Variants in SPATA18 observed in about 807,000 individuals in gnomAD.
The protein encoded by SPATA18 is spermatogenesis associated 18.
Under a neutral mutation model 68.1 loss-of-function variants are expected in SPATA18, and 54 were observed. The ratio of observed to expected loss-of-function variants is 0.79; its 90% CI spans 0.64 to 0.99. SPATA18 has a LOEUF of 0.99. Among genes scored for constraint, SPATA18 ranks in the 50% least tolerant of loss-of-function variants. SPATA18 has a pLI of 0.00. For missense variants in SPATA18, 724 were observed against 681.1 expected (o/e 1.06, Z -0.70); for synonymous variants, 242 against 244.8 (o/e 0.99, Z 0.11).
chr4:52,073,766 G>A (rs549253347), intron 6 of SPATA18, among the ~76,000 whole-genome samples: 2 of 152,302 alleles, frequency 1.3e-5, no homozygotes, highest in South Asian at 2.1e-4. Flanking sequence ...AAAGGTTCTG[G>A]CCCAGTTTTT....
At chr4:52,055,997 T>C (rs1259832080) in intron 1 of SPATA18, among the ~76,000 whole-genome samples, 1 of 152,214 alleles carries the variant, frequency 6.6e-6, no homozygotes, top group Non-Finnish European at 1.5e-5. Flanking sequence ...CTTGAAACCA[T>C]CTGCTTCTTC....
At chr4:52,090,671 G>A (rs1391262086) in intron 11 of SPATA18, among the ~76,000 whole-genome samples, 1 of 152,170 alleles carries the variant, frequency 6.6e-6, no homozygotes, top group Non-Finnish European at 1.5e-5. Flanking sequence ...AGTATGATGA[G>A]CTTCCCTTTG....
At chr4:52,079,387 A>G (rs1267740699) in intron 8 of SPATA18, among the ~76,000 whole-genome samples, 2 of 152,220 alleles carry the variant, frequency 1.3e-5, no homozygotes, top group African/African-American at 4.8e-5. Flanking sequence ...GCAAACTATT[A>G]ATAATGATTG....
intron 1 of SPATA18, 133 bp from the exon 2 acceptor site, chr4:52,060,286 G>A: frequency 1.6e-6 from 1 of 633,288 alleles, no homozygotes; most frequent in Non-Finnish European, 2.8e-6. Context: ...AGGTTTTGGT[G>A]ACTACACAGC....
chr4:52,052,943 C>T (rs1404213975), intron 1 of SPATA18, among the ~76,000 whole-genome samples: 2 of 152,154 alleles, frequency 1.3e-5, no homozygotes, highest in Non-Finnish European at 2.9e-5. Context: ...AAAGAACAAG[C>T]GCTGACCATT....
rs544215662 is a variant in SPATA18 at position 52,055,542 on chromosome 4, T to C, written c.87+3751T>C. Among the ~76,000 whole-genome samples the C allele has an allele frequency of 3.9e-5, 6 of 152,354 alleles. No individual in the cohort carries two copies. In the South Asian group the frequency reaches 1.0e-3, roughly 26 times the overall value. On this transcript the variant is annotated intron_variant, in intron 1 of 12. Transcript: ENST00000295213. ...TAATAATTCTTACCTTTACTCATTG[T>C]GGTGTGTTTCTCTATTTTCTTTTTA...
At chr4:52,064,983 GTATTGCATTGT>G (rs1233381807) in intron 4 of SPATA18, among the ~76,000 whole-genome samples, 1 of 152,108 alleles carries the variant, frequency 6.6e-6, no homozygotes, top group Non-Finnish European at 1.5e-5. Context: ...GAGTAAGATG[GTATTGCATTGT>G]GATTTTAAAT....
At chr4:52,054,450 A>C (rs542346852) in intron 1 of SPATA18, among the ~76,000 whole-genome samples, 2 of 152,332 alleles carry the variant, frequency 1.3e-5, no homozygotes, top group Non-Finnish European at 2.9e-5. Context: ...TAGGAAAGGT[A>C]AGGCAGGAAT....
intron 11 of SPATA18, among the ~76,000 whole-genome samples, chr4:52,092,828 A>C (rs1742096509): frequency 6.6e-6 from 1 of 152,236 alleles, no homozygotes; most frequent in African/African-American, 2.4e-5. Context: ...GAAGATCACG[A>C]GACCATGTCC....
At chr4:52,083,238 T>C in intron 10 of SPATA18, 1 of 985,336 alleles carries the variant, frequency 1.0e-6, no homozygotes, top group Non-Finnish European at 1.2e-6. Flanking sequence ...CTAGAAAGAG[T>C]TAAATGAAGC....
Position 52,078,905 on chromosome 4 carries a change from G to T in SPATA18, c.1179+12G>T. On this transcript the variant is annotated intron_variant, in intron 8 of 12. Coordinates refer to ENST00000295213, the MANE Select transcript of SPATA18 (RefSeq NM_145263.4). ...AAAGCAGTGTCAATGTAAGTGTTGA[G>T]TCTTTTATTAGGACTGGTTTGCTGC... 6.4e-7 allele frequency: 1 copy of T among 1,564,132 alleles called. No individual in the cohort carries two copies. The highest frequency in any genetic ancestry group is 8.8e-7 in the Non-Finnish European group (1 of 1,142,754).
At chr4:52,058,721 CCA>C (rs1283893554) in intron 1 of SPATA18, among the ~76,000 whole-genome samples, 7 of 152,132 alleles carry the variant, frequency 4.6e-5, no homozygotes, top group Middle Eastern at 3.2e-3. Flanking sequence ...ATCCAGTCCT[CCA>C]TGTACTCCCA....
intron 1 of SPATA18, among the ~76,000 whole-genome samples, chr4:52,053,779 G>GATCATCTTTCA (rs1738103326): frequency 1.3e-5 from 2 of 152,032 alleles, no homozygotes; most frequent in African/African-American, 4.8e-5. Context: ...CACCCCCACT[G>GATCATCTTTCA]CTACCACCCT....
At chr4:52,075,957 A>G (rs1740302742) in intron 6 of SPATA18, among the ~76,000 whole-genome samples, 1 of 152,244 alleles carries the variant, frequency 6.6e-6, no homozygotes, top group Non-Finnish European at 1.5e-5. Context: ...TTCTTGAATG[A>G]ACTTAGAGGG....
chr4:52,052,882 C>T (rs1466525431), intron 1 of SPATA18, among the ~76,000 whole-genome samples: 1 of 152,242 alleles, frequency 6.6e-6, no homozygotes, highest in Non-Finnish European at 1.5e-5. Flanking sequence ...CTACAGCTTT[C>T]TCCTTAGCCT....
chr4:52,066,206 AGTG>A (rs1739298068), intron 4 of SPATA18, among the ~76,000 whole-genome samples: 1 of 152,262 alleles, frequency 6.6e-6, no homozygotes, highest in African/African-American at 2.4e-5. Flanking sequence ...GCTGGGGTGC[AGTG>A]GTGCGATCTC....
At chr4:52,052,496 T>C (rs1335069260) in intron 1 of SPATA18, among the ~76,000 whole-genome samples, 2 of 152,038 alleles carry the variant, frequency 1.3e-5, no homozygotes. Flanking sequence ...TTCCCCCAAA[T>C]AGAACGGTGA....
chr4:52,068,744 A>C (rs1659657097), intron 4 of SPATA18, among the ~76,000 whole-genome samples: 1 of 152,230 alleles, frequency 6.6e-6, no homozygotes, highest in African/African-American at 2.4e-5. Context: ...TAGCCTCAGG[A>C]CAAGTGCTAT....
intron 6 of SPATA18, among the ~76,000 whole-genome samples, chr4:52,074,960 C>A (rs778493521): frequency 2.6e-5 from 4 of 152,160 alleles, no homozygotes; most frequent in Admixed American, 6.5e-5. Context: ...AAGGCCCCAG[C>A]AGTCATCTAG....
Sources: allele counts gnomAD v4.1 joint callset (sites outside exome capture counted in the v4.1 genomes callset), GRCh38; gene constraint gnomAD v4.1.1; transcripts MANE v1.5; gene names NCBI Gene and HGNC (gene_info 2026-07-23, HGNC 2026-07-21).